NFIB: variants seen among roughly 807,000 people sequenced by gnomAD.
NFIB encodes nuclear factor 1 B-type.
A neutral mutation model predicts 61.5 loss-of-function variants in NFIB; 11 were observed. The observed-to-expected ratio is 0.18, with a 90% CI of 0.11 to 0.30. The LOEUF (loss-of-function observed/expected upper bound fraction) is 0.30. Among genes scored for constraint, NFIB ranks in the 10% least tolerant of loss-of-function variants. The probability of loss-of-function intolerance (pLI) is 1.00; values close to 1 mark genes in which losing one functional copy is unlikely to be tolerated. For missense variants in NFIB, 471 were observed against 608.9 expected (o/e 0.77, Z 2.38); for synonymous variants, 260 against 216.5 (o/e 1.20, Z -1.76).
At chr9:14,149,581 C>T (rs1267146179) in intron 5 of NFIB, among the ~76,000 whole-genome samples, 1 of 151,938 alleles carries the variant, frequency 6.6e-6, no homozygotes, top group African/African-American at 2.4e-5. Context: ...TCTAGCTGAC[C>T]CCCAACATAG....
rs144681279 is a variant in NFIB, at chr9:14,131,210, G to A, written c.926-5444C>T. Among the ~76,000 whole-genome samples, 344 of 152,224 alleles carry A rather than the reference G, an allele frequency of 2.3e-3. 3 individuals are homozygous for A. Among genetic ancestry groups the A allele is most frequent in the African/African-American group, 7.7e-3 (320 of 41,538 alleles). ...TTAGCTATGACTTTAGAAACTCATC[G>A]TGTAGTTGAATATGGAATAAAAGAT... On this transcript the variant is annotated intron_variant, in intron 6 of 10. Transcript: ENST00000380953.
At chr9:14,488,609 G>A in the NFIB span, among the ~76,000 whole-genome samples, 1 of 152,120 alleles carries the variant, frequency 6.6e-6, no homozygotes, top group Admixed American at 6.5e-5. Context: ...CCAGTCCCTG[G>A]CTGGGGAATG....
intron 6 of NFIB, 102 bp from the exon 7 acceptor site, chr9:14,125,868 T>C: frequency 6.8e-7 from 1 of 1,466,214 alleles, no homozygotes. Context: ...TTAGTATTCT[T>C]ATACTTTGGC....
At chr9:14,190,008 T>C (rs1427433930) in intron 2 of NFIB, among the ~76,000 whole-genome samples, 1 of 152,168 alleles carries the variant, frequency 6.6e-6, no homozygotes, top group East Asian at 1.9e-4. Context: ...GTCATATTCT[T>C]ATTTTTTCAT....
chr9:14,474,450 G>A, the NFIB span, among the ~76,000 whole-genome samples: 4 of 152,120 alleles, frequency 2.6e-5, no homozygotes, highest in Non-Finnish European at 4.4e-5. Flanking sequence ...TTTAACATAC[G>A]AATTTTGGAG....
chr9:14,273,851 T>C (rs2057798121), intron 2 of NFIB, among the ~76,000 whole-genome samples: 1 of 152,172 alleles, frequency 6.6e-6, no homozygotes, highest in Admixed American at 6.5e-5. Flanking sequence ...AAAAGTCTCC[T>C]CCCAAGAGGC....
chr9:14,323,161 G>A (rs2060702858), intron 1 of NFIB, among the ~76,000 whole-genome samples: 1 of 152,158 alleles, frequency 6.6e-6, no homozygotes, highest in Non-Finnish European at 1.5e-5. Context: ...ACCAGAAAGA[G>A]CGCACTTTGA....
intron 10 of NFIB, 31 bp downstream of exon 10, chr9:14,112,968 A>G: frequency 4.5e-6 from 7 of 1,545,008 alleles, no homozygotes; most frequent in Non-Finnish European, 6.1e-6. Flanking sequence ...AAGCGTGGCT[A>G]CACCGTCACA....
chr9:14,520,594 T>C, the NFIB span, among the ~76,000 whole-genome samples: 1 of 152,192 alleles, frequency 6.6e-6, no homozygotes, highest in Non-Finnish European at 1.5e-5. Flanking sequence ...GCTGAAATAA[T>C]GAAAGACCTC....
At chr9:14,139,785 C>T (rs970558979) in intron 6 of NFIB, among the ~76,000 whole-genome samples, 6 of 152,164 alleles carry the variant, frequency 3.9e-5, no homozygotes, top group Admixed American at 2.6e-4. Flanking sequence ...AAAGCCTTCA[C>T]CAACAATTTA....
intron 2 of NFIB, among the ~76,000 whole-genome samples, chr9:14,251,501 C>G (rs961412882): frequency 3.9e-5 from 6 of 152,198 alleles, no homozygotes; most frequent in Non-Finnish European, 8.8e-5. Context: ...AGGCCAAGTT[C>G]CAATGTGGTT....
the NFIB span, among the ~76,000 whole-genome samples, chr9:14,481,994 A>G: frequency 6.6e-6 from 1 of 151,886 alleles, no homozygotes; most frequent in Admixed American, 6.6e-5. Context: ...CTTGAAAGTT[A>G]TTTACCTTCA....
upstream of NFIB, among the ~76,000 whole-genome samples, chr9:14,399,439 T>C (rs10961501): frequency 0.088 from 13,366 of 152,288 alleles, 685 homozygotes; most frequent in East Asian, 0.12. Context: ...CTTTTTTTGG[T>C]ATAAATGTAT....
intron 2 of NFIB, among the ~76,000 whole-genome samples, chr9:14,236,231 T>TAA (rs2053731198): frequency 6.6e-6 from 1 of 152,236 alleles, no homozygotes; most frequent in Non-Finnish European, 1.5e-5. Flanking sequence ...ATGTTGATTA[T>TAA]GGCTACTGCT....
the NFIB span, among the ~76,000 whole-genome samples, chr9:14,479,975 GGAA>G: frequency 6.6e-6 from 1 of 151,686 alleles, no homozygotes; most frequent in African/African-American, 2.4e-5. Context: ...CAGGAAGGAA[GGAA>G]GAAGGAGAAG....
chr9:14,100,512 T>C (rs2035598245), intron 10 of NFIB, among the ~76,000 whole-genome samples: 1 of 151,808 alleles, frequency 6.6e-6, no homozygotes, highest in East Asian at 1.9e-4. Flanking sequence ...ATCGAGACCA[T>C]CCTGGCTAAC....
At chr9:14,111,305 T>G (rs934186214) in intron 10 of NFIB, among the ~76,000 whole-genome samples, 1 of 152,178 alleles carries the variant, frequency 6.6e-6, no homozygotes, top group Admixed American at 6.5e-5. Context: ...GCTTCGACAT[T>G]TATCATAAGG....
At chr9:14,105,061 T>G (rs1425942588) in intron 10 of NFIB, among the ~76,000 whole-genome samples, 1 of 152,156 alleles carries the variant, frequency 6.6e-6, no homozygotes, top group Non-Finnish European at 1.5e-5. Context: ...AGTTAGTTTT[T>G]TTGTTGTTAA....
At chr9:14,421,275 C>T in the NFIB span, among the ~76,000 whole-genome samples, 1 of 151,972 alleles carries the variant, frequency 6.6e-6, no homozygotes, top group Non-Finnish European at 1.5e-5. Context: ...TTTATAAATT[C>T]TCAGATCTAG....
Sources: allele counts gnomAD v4.1 joint callset (sites outside exome capture counted in the v4.1 genomes callset), GRCh38; gene constraint gnomAD v4.1.1; transcripts MANE v1.5; gene names NCBI Gene and HGNC (gene_info 2026-07-23, HGNC 2026-07-21).